The following ZNF831 variants were observed in gnomAD, a reference collection of about 807,000 sequenced individuals.
The protein encoded by ZNF831 is chromosome 20 open reading frame 174.
Under a neutral mutation model 95.8 loss-of-function variants are expected in ZNF831, and 59 were observed. The ratio of observed to expected loss-of-function variants is 0.62; its 90% CI spans 0.50 to 0.77. The LOEUF (loss-of-function observed/expected upper bound fraction) is 0.77. Ranked by LOEUF, ZNF831 falls within the 30% of genes least tolerant of loss-of-function variation. The pLI, the probability that ZNF831 is intolerant of heterozygous loss-of-function variation, is 0.00. For missense variants in ZNF831, 2,205 were observed against 2,164.0 expected (o/e 1.02, Z -0.38); for synonymous variants, 961 against 925.5 (o/e 1.04, Z -0.70).
upstream of ZNF831, among the ~76,000 whole-genome samples, chr20:59,162,978 A>G (rs896528960): frequency 6.6e-6 from 1 of 151,624 alleles, no homozygotes; most frequent in Non-Finnish European, 1.5e-5. Context: ...TTCTCCTTGT[A>G]GAGATCTTTC....
intron 4 of ZNF831, among the ~76,000 whole-genome samples, chr20:59,243,060 C>T (rs1430438648): frequency 6.6e-6 from 1 of 152,178 alleles, no homozygotes; most frequent in Non-Finnish European, 1.5e-5. Flanking sequence ...TAATTATTAG[C>T]AATAAACCTG....
chr20:59,246,185 G>A (rs1600683202), intron 4 of ZNF831, among the ~76,000 whole-genome samples: 1 of 152,048 alleles, frequency 6.6e-6, no homozygotes, highest in South Asian at 2.1e-4. Flanking sequence ...ATGGGTCTGG[G>A]GGTCTCTCCA....
chr20:59,224,610 T>G (rs982841710), intron 4 of ZNF831, among the ~76,000 whole-genome samples: 1 of 152,246 alleles, frequency 6.6e-6, no homozygotes, highest in African/African-American at 2.4e-5. Context: ...CATTAGACAT[T>G]GTTTCTTGAG....
At chr20:59,130,081 G>A (rs375215451) in intron 1 of ZNF831, among the ~76,000 whole-genome samples, 2 of 152,292 alleles carry the variant, frequency 1.3e-5, no homozygotes. Flanking sequence ...TTTGTAAGAT[G>A]GGCATAAGAA....
In ZNF831 at chr20:59,192,060, G is replaced by T; in HGVS notation, c.1041G>T (p.Leu347=). 1 of 1,607,268 alleles carries T rather than the reference G, an allele frequency of 6.2e-7. No individual in the cohort carries two copies. Among genetic ancestry groups the T allele is most frequent in the Non-Finnish European group, 8.5e-7 (1 of 1,179,036 alleles). The part of the protein sequence containing the change: ...RKCESTDSGY[L]SRSDSAEQPH... ...GTGAGAGCACCGACTCGGGGTACCT[G>T]TCGCGCTCCGACAGCGCGGAGCAGC... The change falls in exon 2 of 6, where the codon CTG becomes CTT. Residue 347 remains leucine (L), a synonymous_variant. Transcript: ENST00000371030. The surrounding 1 kb of genome is among the most constrained non-coding windows in gnomAD (Gnocchi z 5.2).
At position 59,193,558 on chromosome 20, in the gene ZNF831, C is replaced by G. The variant is rs1205073187; in HGVS notation, c.2539C>G (p.Pro847Ala). ...TGTGAGCGCAGAGACCCCAGGTGGG[C>G]CCACGCAGCCTGCCTCTTTGTCATC... is the stretch of plus-strand genomic sequence containing the variant. ...EPVSAETPGG[P>A]TQPASLSSQK... Residue 847 changes from proline to alanine, a missense_variant, in exon 2 of 6, where the codon CCC (proline) becomes GCC (alanine). Physicochemically the swap from Pro to Ala is conservative, Grantham distance 27. Coordinates refer to ENST00000371030, the MANE Select transcript of ZNF831 (RefSeq NM_178457.3). The G allele has an allele frequency of 6.2e-7, 1 of 1,604,674 alleles. No homozygotes were observed. Among genetic ancestry groups the G allele is most frequent in the South Asian group, 1.1e-5 (1 of 89,328 alleles).
At chr20:59,141,366 T>A (rs541927731) in intron 1 of ZNF831, among the ~76,000 whole-genome samples, 3 of 152,360 alleles carry the variant, frequency 2.0e-5, no homozygotes, top group African/African-American at 7.2e-5. Context: ...ATGATCCATT[T>A]TGAATTACTT....
At chr20:59,132,071 C>T (rs1308617725) in intron 1 of ZNF831, among the ~76,000 whole-genome samples, 2 of 152,246 alleles carry the variant, frequency 1.3e-5, no homozygotes, top group African/African-American at 4.8e-5. Flanking sequence ...AGCACACATA[C>T]ACCCCATTGT....
At chr20:59,132,707 T>C (rs1209365385) in intron 1 of ZNF831, among the ~76,000 whole-genome samples, 1 of 152,262 alleles carries the variant, frequency 6.6e-6, no homozygotes, top group Non-Finnish European at 1.5e-5. Context: ...ATCACCAGAT[T>C]GCTACACTGG....
chr20:59,144,824 T>C (rs1201546148), intron 1 of ZNF831, among the ~76,000 whole-genome samples: 2 of 152,234 alleles, frequency 1.3e-5, no homozygotes, highest in Non-Finnish European at 2.9e-5. Context: ...TGTTTCAGGC[T>C]TCTGTTCTTC....
chr20:59,198,129 T>G (rs1984257794), intron 3 of ZNF831, among the ~76,000 whole-genome samples: 1 of 152,142 alleles, frequency 6.6e-6, no homozygotes. Flanking sequence ...CCGAGGAAAC[T>G]TTCTTAATCC....
rs1984074691 is a variant in ZNF831 at position 59,195,995 on chromosome 20, A to C, written c.3865A>C (p.Asn1289His). 4 of 1,613,972 alleles carry C rather than the reference A, an allele frequency of 2.5e-6. No homozygotes were observed. The highest frequency in any genetic ancestry group is 2.5e-6 in the Non-Finnish European group (3 of 1,179,904). ...CAGCAAGCAGAGAAAACTGAAGATC[A>C]ACCCTAAAAGGTAGGATGAGTGGCC... ...GNSKQRKLKI[N>H]PKRYKGNFLQ... Residue 1289 changes from asparagine to histidine, a missense_variant, in exon 3 of 6, where the codon AAC becomes CAC. Transcript: ENST00000371030.
intron 4 of ZNF831, among the ~76,000 whole-genome samples, chr20:59,226,349 G>T (rs1986431895): frequency 6.6e-6 from 1 of 152,032 alleles, no homozygotes; most frequent in African/African-American, 2.4e-5. Flanking sequence ...GTTGGTAGTG[G>T]ATGCTGTTGG....
chr20:59,239,239 G>A (rs550594003), intron 4 of ZNF831, among the ~76,000 whole-genome samples: 3 of 151,758 alleles, frequency 2.0e-5, no homozygotes, highest in South Asian at 2.1e-4. Context: ...CATTCCCAGC[G>A]CTTCCAGCCC....
At chr20:59,168,463 T>TG (rs1451100029) in intron 1 of ZNF831, among the ~76,000 whole-genome samples, 1 of 151,038 alleles carries the variant, frequency 6.6e-6, no homozygotes, top group Non-Finnish European at 1.5e-5. Context: ...AGGTTTTTTT[T>TG]TTTTTTTTTT....
intron 1 of ZNF831, among the ~76,000 whole-genome samples, chr20:59,139,186 T>A (rs1406431813): frequency 6.6e-6 from 1 of 152,234 alleles, no homozygotes; most frequent in Non-Finnish European, 1.5e-5. Context: ...GGCCTTGAGG[T>A]TCATCCAACT....
At position 59,193,985 on chromosome 20, in the gene ZNF831, C is replaced by T. The variant is rs2146592393; in HGVS notation, c.2966C>T (p.Ser989Phe). Residue 989 changes from serine to phenylalanine, a missense_variant, in exon 2 of 6, where the codon TCT becomes TTT. Ser to Phe is a radical substitution (Grantham distance 155). Coordinates refer to ENST00000371030, the MANE Select transcript of ZNF831 (RefSeq NM_178457.3). ...GGGTCAGGACTGGGGACCCCTCTTT[C>T]TCCCAGCCCAGCCTCAGGCCCCTCC... ...FVGSGLGTPL[S>F]PSPASGPSPG... 2.6e-6 allele frequency: 4 copies of T among 1,534,488 alleles called. No homozygotes were observed. The highest frequency in any genetic ancestry group is 3.5e-6 in the Non-Finnish European group (4 of 1,142,230).
chr20:59,239,436 C>T (rs1057144875), intron 4 of ZNF831, among the ~76,000 whole-genome samples: 1 of 152,078 alleles, frequency 6.6e-6, no homozygotes, highest in African/African-American at 2.4e-5. Flanking sequence ...GAAGATTTCT[C>T]GAATACATTT....
chr20:59,227,343 C>T (rs1012607051), intron 4 of ZNF831, among the ~76,000 whole-genome samples: 1 of 152,168 alleles, frequency 6.6e-6, no homozygotes, highest in African/African-American at 2.4e-5. Flanking sequence ...GAGGAAAAAT[C>T]TCTTACACTG....
Sources: allele counts gnomAD v4.1 joint callset (sites outside exome capture counted in the v4.1 genomes callset), GRCh38; gene constraint gnomAD v4.1.1; non-coding constraint Gnocchi (gnomAD v3.1); transcripts MANE v1.5; gene names NCBI Gene and HGNC (gene_info 2026-07-23, HGNC 2026-07-21).